KIF25: variants seen among roughly 807,000 people sequenced by gnomAD.
The protein encoded by KIF25 is kinesin-like protein KIF25.
A neutral mutation model predicts 32.9 loss-of-function variants in KIF25; 19 were observed. The observed-to-expected ratio is 0.58, with a 90% confidence interval of 0.40 to 0.85. The LOEUF is 0.85. KIF25 is among the 40% of genes least tolerant of loss of function. The probability of loss-of-function intolerance (pLI) is 0.00; values close to 1 mark genes in which losing one functional copy is unlikely to be tolerated. For synonymous variants in KIF25, 225 were observed against 213.7 expected, an observed-to-expected ratio of 1.05 and a Z score of -0.46; for missense variants, 485 against 507.0, an observed-to-expected ratio of 0.96 and a Z score of 0.42.
At chr6:168,040,010 C>T (rs974332934) in intron 9 of KIF25, 55 bp from the exon 10 acceptor site, 40 of 1,550,516 alleles carry the variant, frequency 2.6e-5, no homozygotes, top group Non-Finnish European at 3.5e-5. Context: ...TGGAAGTCGC[C>T]TTAGGTAAGG....
chr6:168,021,684 G>T (rs999240128), intron 5 of KIF25, among the ~76,000 whole-genome samples: 5 of 152,144 alleles, frequency 3.3e-5, no homozygotes, highest in African/African-American at 4.8e-5. Context: ...ACACTGAATT[G>T]CCTGTCTCCC....
chr6:168,021,252 C>T (rs954561762), intron 5 of KIF25, among the ~76,000 whole-genome samples: 1 of 152,224 alleles, frequency 6.6e-6, no homozygotes, highest in Non-Finnish European at 1.5e-5. Context: ...TATCTACCTT[C>T]CATGTTGTTA....
intron 6 of KIF25, 103 bp from the exon 7 acceptor site, chr6:168,030,670 A>G: frequency 1.4e-6 from 1 of 738,854 alleles, no homozygotes; most frequent in Non-Finnish European, 2.3e-6. Context: ...CGTTGGGGGG[A>G]TGGGAAGTAC....
Position 168,035,361 on chromosome 6 carries a change from T to C in KIF25, c.317+1330T>C, listed in dbSNP as rs373431783. 1.1e-4 allele frequency among the ~76,000 whole-genome samples: 10 copies of C among 95,032 alleles called. 1 individual carries two copies. The South Asian group carries it at 2.6e-3, about 25-fold the overall frequency. The allele number at this position is 95,032 out of a possible 152,430, so 62.3% of individuals were successfully genotyped here. On this transcript the variant is annotated intron_variant, in intron 8 of 12. Transcript: ENST00000643607. The stretch of plus-strand genomic sequence containing the variant: ...AGGCGTCGTACATTCCACGGCTGCG[T>C]TTCCGTTTGGCTCTGGAATTTGCCG...
At chr6:168,022,803 C>T in intron 5 of KIF25, among the ~76,000 whole-genome samples, 1 of 134,366 alleles carries the variant, frequency 7.4e-6, no homozygotes, top group South Asian at 2.6e-4. Context: ...GACTTGTGTA[C>T]TCTTGGCTGT....
At chr6:168,038,761 C>G in intron 9 of KIF25, 32 bp downstream of exon 9, 1 of 1,602,456 alleles carries the variant, frequency 6.2e-7, no homozygotes, top group Middle Eastern at 2.1e-4. Context: ...TGCTGCTGGC[C>G]TCTGAGTGAG....
intron 4 of KIF25, 36 bp from the exon 5 acceptor site, chr6:168,017,937 A>G (rs933730708): frequency 1.1e-4 from 17 of 152,564 alleles, no homozygotes; most frequent in African/African-American, 3.1e-4. Context: ...CGCAGCACAC[A>G]AAGTCTTATG....
chr6:167,997,912 T>C lies in KIF25; in HGVS notation c.-1557T>C, dbSNP rs946178784. 6.6e-6 allele frequency among the ~76,000 whole-genome samples: 1 copy of C among 152,138 alleles called. No individual in the cohort carries two copies. Among genetic ancestry groups the C allele is most frequent in the Non-Finnish European group, 1.5e-5 (1 of 68,022 alleles). ...TCTCTTCCCTGGCCATGCCGAGAGG[T>C]TCTCCAGCTGTTAGATGTGTCAAAG... On this transcript the variant is annotated 5_prime_UTR_variant, in exon 1 of 13. Transcript: ENST00000643607.
intron 10 of KIF25, among the ~76,000 whole-genome samples, chr6:168,040,871 T>C (rs1799109092): frequency 6.6e-6 from 1 of 152,234 alleles, no homozygotes; most frequent in Non-Finnish European, 1.5e-5. Flanking sequence ...CTATGTAGTA[T>C]ATAAAATGAT....
intron 4 of KIF25, among the ~76,000 whole-genome samples, chr6:168,012,932 T>A (rs773146419): frequency 3.5e-4 from 53 of 150,924 alleles, no homozygotes; most frequent in South Asian, 1.0e-3. Flanking sequence ...AGTACAGGTT[T>A]CAGGCTGTGT....
At position 168,044,800 on chromosome 6, in the gene KIF25, C is replaced by G. The variant is rs200469120; in HGVS notation, c.986-27C>G. On this transcript the variant is annotated intron_variant, in intron 12 of 12. Transcript: ENST00000643607. ...TTTCAGATGCTGCTCTTCTTTCCAG[C>G]TTGCATGTTGTTTTTCTATTTTAAA... 239 of 1,558,374 alleles carry G rather than the reference C, an allele frequency of 1.5e-4. No individual in the cohort carries two copies. The African/African-American group carries it at 3.1e-3, about 20-fold the overall frequency.
In KIF25 at chr6:168,044,640, G is replaced by A. The variant is rs186838327; in HGVS notation, c.986-187G>A. Among the ~76,000 whole-genome samples, 557 of 152,334 alleles carry A rather than the reference G, an allele frequency of 3.7e-3. 7 individuals are homozygous for A. The highest frequency in any genetic ancestry group is 0.033 in the Admixed American group (504 of 15,292). ...ACCCTCCCGGACCCGGGTGAGGGGC[G>A]CTAGTGACCGGCTGCTGACCCTCCT... On this transcript the variant is annotated intron_variant, in intron 12 of 12. Transcript: ENST00000643607.
At chr6:168,001,412 G>A (rs955623171) in intron 2 of KIF25, among the ~76,000 whole-genome samples, 2 of 152,212 alleles carry the variant, frequency 1.3e-5, no homozygotes, top group African/African-American at 4.8e-5. Flanking sequence ...CTTTTACATG[G>A]CACTTCCAGA....
chr6:168,015,875 G>A (rs1032835374), intron 4 of KIF25, among the ~76,000 whole-genome samples: 6 of 152,152 alleles, frequency 3.9e-5, no homozygotes, highest in African/African-American at 7.2e-5. Flanking sequence ...GGCTTTGCAC[G>A]TTTCTTGTAT....
At position 168,004,278 on chromosome 6, in the gene KIF25, G is replaced by A. The variant is rs115264376; in HGVS notation, c.-163+575G>A. On this transcript the variant is annotated intron_variant, in intron 4 of 12. Transcript: ENST00000643607. ...AGCAAGGGAGGCCTCAGAACAGAACGGGGGCTGTCCCAGCACATGGAGCCC... is the reference window on the plus strand; with the variant it reads ...AGCAAGGGAGGCCTCAGAACAGAACAGGGGCTGTCCCAGCACATGGAGCCC... 8.8e-3 allele frequency among the ~76,000 whole-genome samples: 1,345 copies of A among 152,304 alleles called. 21 individuals carry two copies. Among genetic ancestry groups the A allele is most frequent in the African/African-American group, 0.029 (1,197 of 41,572 alleles).
In KIF25 at chr6:168,040,235, T is replaced by A; in HGVS notation, c.646+19T>A. Reference sequence around the variant, plus strand: ...AGCACTGGTAAGTCACCATTTGTGCTTGGTCAGTGGCAAGTAATAGAAAAA... The same window carrying A: ...AGCACTGGTAAGTCACCATTTGTGCATGGTCAGTGGCAAGTAATAGAAAAA... On this transcript the variant is annotated intron_variant, in intron 10 of 12. Transcript: ENST00000643607. The A allele has an allele frequency of 6.3e-7, 1 of 1,599,548 alleles. No individual in the cohort carries two copies. The highest frequency in any genetic ancestry group is 8.5e-7 in the Non-Finnish European group (1 of 1,171,404).
chr6:168,026,572 C>A (rs916768751), intron 5 of KIF25, among the ~76,000 whole-genome samples: 4 of 151,924 alleles, frequency 2.6e-5, no homozygotes, highest in Non-Finnish European at 5.9e-5. Flanking sequence ...TATTTTATTT[C>A]CATTCTAAAA....
Position 168,042,148 on chromosome 6 carries a change from G to A in KIF25, c.826G>A (p.Val276Ile), listed in dbSNP as rs1388970419. ...CGTGGACTCGGCCGGCAGCGAGTGC[G>A]TTGGTGAGCAGGGGCAGGCATTTCC... ...QLVDSAGSEC[V>I]GVSGVTGLAL... Residue 276 changes from valine to isoleucine, a missense_variant, in exon 11 of 13, where the codon GTT becomes ATT. Val to Ile is a conservative substitution (Grantham distance 29). Around this residue, in one of 2 missense-constraint regions of KIF25, gnomAD observed 480 missense variants for 470.3 expected, o/e 1.02. Transcript: ENST00000643607. The A allele has an allele frequency of 7.7e-6, 12 of 1,548,394 alleles. No individual in the cohort carries two copies. Among genetic ancestry groups the A allele is most frequent in the East Asian group, 4.9e-5 (2 of 40,952 alleles).
intron 4 of KIF25, among the ~76,000 whole-genome samples, chr6:168,009,263 TG>T (rs1204528815): frequency 2.6e-5 from 4 of 152,068 alleles, no homozygotes; most frequent in East Asian, 1.9e-4. Context: ...TATTAAGAGT[TG>T]TTTTTTTTTA....
Sources: gnomAD v4.1 joint callset for allele counts (sites outside exome capture counted in the v4.1 genomes callset) on GRCh38, gnomAD v4.1.1 for gene constraint, gnomAD v4.1.1 regional missense constraint, MANE v1.5 for transcripts, NCBI Gene and HGNC (gene_info 2026-07-23, HGNC 2026-07-21) for gene names.